Variants in GPHN observed in about 807,000 individuals in gnomAD.
GPHN encodes the protein gephyrin.
GPHN carries 17 observed loss-of-function variants against 95.5 expected under a neutral mutation model. The ratio of observed to expected loss-of-function variants is 0.18; its 90% CI spans 0.12 to 0.27. The LOEUF (loss-of-function observed/expected upper bound fraction) is 0.27, where lower values mean the gene tolerates loss of function less well. Ranked by LOEUF, GPHN falls within the 10% of genes least tolerant of loss-of-function variation. GPHN has a pLI of 1.00. For missense variants in GPHN, 660 were observed against 978.1 expected (o/e 0.67, Z 4.34); for synonymous variants, 320 against 322.5 (o/e 0.99, Z 0.08).
At chr14:66,698,018 C>A (rs2068230722) in intron 2 of GPHN, among the ~76,000 whole-genome samples, 1 of 151,980 alleles carries the variant, frequency 6.6e-6, no homozygotes, top group Non-Finnish European at 1.5e-5. Flanking sequence ...ATATTTTCAT[C>A]TTATGAAATT....
the GPHN span, among the ~76,000 whole-genome samples, chr14:67,328,979 A>G: frequency 1.5e-3 from 230 of 152,270 alleles, 5 homozygotes; most frequent in East Asian, 0.038. Flanking sequence ...TTGGTTCCAT[A>G]TGAACTTTAA....
chr14:67,349,780 A>G, the GPHN span, among the ~76,000 whole-genome samples: 1 of 152,180 alleles, frequency 6.6e-6, no homozygotes, highest in Non-Finnish European at 1.5e-5. Context: ...CTTATACACT[A>G]TTGATTGATC....
chr14:67,684,846 GT>G, the GPHN span: 1 of 494,538 alleles, frequency 2.0e-6, no homozygotes, highest in Admixed American at 3.7e-5. Flanking sequence ...AAATGTAGCA[GT>G]TATTACAAAA....
chr14:67,563,731 C>CT, the GPHN span, among the ~76,000 whole-genome samples: 95 of 86,814 alleles, frequency 1.1e-3, no homozygotes, highest in African/African-American at 3.0e-3. Flanking sequence ...CTGAGCCTGG[C>CT]TTTTTTTTTT....
At chr14:66,793,995 A>T (rs2060068900) in intron 3 of GPHN, among the ~76,000 whole-genome samples, 1 of 152,218 alleles carries the variant, frequency 6.6e-6, no homozygotes, top group Admixed American at 6.5e-5. Context: ...TGTCAGACTG[A>T]ATGACAAGTA....
intron 1 of GPHN, among the ~76,000 whole-genome samples, chr14:66,522,766 T>C (rs961841128): frequency 2.0e-5 from 3 of 150,768 alleles, no homozygotes; most frequent in Admixed American, 6.6e-5. Flanking sequence ...TATATAATTT[T>C]TTTTTCTAAT....
At chr14:66,723,731 T>G (rs1269447056) in intron 2 of GPHN, among the ~76,000 whole-genome samples, 1 of 152,326 alleles carries the variant, frequency 6.6e-6, no homozygotes, top group Admixed American at 6.5e-5. Flanking sequence ...TGTCGTATTA[T>G]GTTTAATGCT....
chr14:67,392,770 G>A, the GPHN span: 28 of 1,613,940 alleles, frequency 1.7e-5, no homozygotes, highest in East Asian at 4.5e-4. Flanking sequence ...TCTCCTCCAT[G>A]AGCATGGAGG....
chr14:67,482,000 A>G, the GPHN span, among the ~76,000 whole-genome samples: 1 of 152,234 alleles, frequency 6.6e-6, no homozygotes, highest in Non-Finnish European at 1.5e-5. Flanking sequence ...GAGTTTGGAG[A>G]GCAAAGGATA....
intron 1 of GPHN, among the ~76,000 whole-genome samples, chr14:66,605,275 A>G (rs1298440490): frequency 6.6e-6 from 1 of 152,054 alleles, no homozygotes; most frequent in East Asian, 1.9e-4. Context: ...ACATCTCTCA[A>G]CTGCTTTCCA....
chr14:66,605,514 A>G (rs947875951), intron 1 of GPHN, among the ~76,000 whole-genome samples: 2 of 146,500 alleles, frequency 1.4e-5, no homozygotes, highest in Admixed American at 6.8e-5. Context: ...ATAAGTGTCT[A>G]TATCCTTTGC....
chr14:66,841,005 A>G (rs542230320), intron 4 of GPHN, among the ~76,000 whole-genome samples: 11 of 141,902 alleles, frequency 7.8e-5, no homozygotes, highest in African/African-American at 2.1e-4. Flanking sequence ...ATAGATATAG[A>G]TATAGATATA....
At chr14:66,670,178 G>A (rs1017934312) in intron 1 of GPHN, among the ~76,000 whole-genome samples, 3 of 152,122 alleles carry the variant, frequency 2.0e-5, no homozygotes, top group South Asian at 2.1e-4. Flanking sequence ...TAGGTAAGGC[G>A]GAAGGTTTTC....
intron 2 of GPHN, among the ~76,000 whole-genome samples, chr14:66,728,891 A>T (rs2071500913): frequency 1.3e-5 from 2 of 152,252 alleles, no homozygotes; most frequent in South Asian, 4.1e-4. Context: ...GGGTGGAATG[A>T]TATGGTTTGG....
intron 4 of GPHN, among the ~76,000 whole-genome samples, chr14:66,875,350 T>A (rs1312365007): frequency 6.6e-6 from 1 of 152,152 alleles, no homozygotes; most frequent in Admixed American, 6.5e-5. Context: ...CTGCATCAAC[T>A]AAGGGGCAAA....
chr14:67,534,369 A>G, the GPHN span, among the ~76,000 whole-genome samples: 2 of 152,152 alleles, frequency 1.3e-5, no homozygotes, highest in African/African-American at 2.4e-5. Flanking sequence ...GCTTGATGCC[A>G]GGAGTTCAAG....
At chr14:66,832,284 T>C (rs1164799375) in intron 4 of GPHN, among the ~76,000 whole-genome samples, 4 of 152,212 alleles carry the variant, frequency 2.6e-5, no homozygotes, top group Non-Finnish European at 4.4e-5. Flanking sequence ...AATAAATGCA[T>C]GTAAAAGGAT....
intron 1 of GPHN, among the ~76,000 whole-genome samples, chr14:66,612,209 TTA>T (rs1288952318): frequency 3.9e-5 from 6 of 152,004 alleles, no homozygotes; most frequent in African/African-American, 1.4e-4. Flanking sequence ...TCAAACCAAG[TTA>T]TCACTTGTTT....
the GPHN span, among the ~76,000 whole-genome samples, chr14:67,700,256 T>C: frequency 3.9e-5 from 6 of 152,214 alleles, no homozygotes; most frequent in Non-Finnish European, 8.8e-5. Context: ...AATAAATATG[T>C]CTCAGTAACA....
Sources: gnomAD v4.1 joint callset for allele counts (sites outside exome capture counted in the v4.1 genomes callset) on GRCh38, gnomAD v4.1.1 for gene constraint, MANE v1.5 for transcripts, NCBI Gene and HGNC (gene_info 2026-07-23, HGNC 2026-07-21) for gene names.